AGBL5: variants seen among roughly 807,000 people sequenced by gnomAD.
The protein encoded by AGBL5 is AGBL carboxypeptidase 5, also known as cytosolic carboxypeptidase-like protein 5.
A neutral mutation model predicts 88.0 loss-of-function variants in AGBL5; 51 were observed. The observed-to-expected ratio is 0.58, with a 90% CI of 0.46 to 0.73. The LOEUF (loss-of-function observed/expected upper bound fraction) is 0.73. Ranked by LOEUF, AGBL5 falls within the 30% of genes least tolerant of loss-of-function variation. The probability of loss-of-function intolerance (pLI) is 0.00; values close to 1 mark genes in which losing one functional copy is unlikely to be tolerated. For missense variants in AGBL5, 1,031 were observed against 1,162.2 expected, an observed-to-expected ratio of 0.89 and a Z score of 1.64; for synonymous variants, 446 against 438.8, an observed-to-expected ratio of 1.02 and a Z score of -0.21.
At position 27,067,418 on chromosome 2, in the gene AGBL5, C is replaced by G. The variant is rs948013749; in HGVS notation, c.2090-76C>G. The G allele has an allele frequency of 1.8e-5, 26 of 1,475,068 alleles. No homozygotes were observed. In the African/African-American group the frequency reaches 3.1e-4, roughly 17 times the overall value. The allele number at this position is 1,475,068 out of a possible 1,614,324, so 91.4% of individuals were successfully genotyped here. A position where few individuals can be genotyped will look rare whatever the true frequency, so the allele number is the denominator to read the frequency against. ...AACTGGCATCTTTTGACCACGGAAG[C>G]CAGCAGGTCAGTGAAGGCTGCCTCA... On this transcript the variant is annotated intron_variant, in intron 11 of 14. Transcript: ENST00000360131.
In AGBL5 at chr2:27,053,036, A is replaced by C. The variant is rs140434382; in HGVS notation, c.78A>C (p.Glu26Asp). Residue 26 changes from glutamate (E) to aspartate (D), a missense_variant, in exon 2 of 15, where the codon GAA becomes GAC. Glu to Asp is a conservative substitution (Grantham distance 45). Around this residue, in one of 2 missense-constraint regions of AGBL5, gnomAD observed 540 missense variants for 678.2 expected, o/e 0.80. Transcript: ENST00000360131. This position sits in a 1 kb window ranked among gnomAD's most constrained non-coding sequence, Gnocchi z 4.9. ...SGNLAHVEKV[E>D]SLSSDGEGVG... ...ATCTAGCCCACGTGGAGAAGGTGGA[A>C]TCTTTGTCCAGTGATGGGGAAGGGG... The C allele has an allele frequency of 5.9e-4, 948 of 1,613,652 alleles. No individual in the cohort carries two copies. The highest frequency in any genetic ancestry group is 7.7e-4 in the Non-Finnish European group (914 of 1,179,864).
At chr2:27,069,875 A>G in intron 14 of AGBL5, 169 bp downstream of exon 14, 1 of 985,406 alleles carries the variant, frequency 1.0e-6, no homozygotes, top group Non-Finnish European at 1.2e-6. Flanking sequence ...ACCATGGCCA[A>G]GTCTTCAATC....
At position 27,053,783 on chromosome 2, in the gene AGBL5, G is replaced by T; in HGVS notation, c.388-113G>T. ...CTTTTCATATAGAAAGTGTCACAGG[G>T]AGGGAAGTTGGTAAAGGTGATAAGG... On this transcript the variant is annotated intron_variant, in intron 3 of 14. Coordinates refer to ENST00000360131, the MANE Select transcript of AGBL5 (RefSeq NM_021831.6). The surrounding 1 kb of genome is among the most constrained non-coding windows in gnomAD (Gnocchi z 4.9). 6.9e-7 allele frequency: 1 copy of T among 1,452,840 alleles called. No homozygotes were observed. The highest frequency in any genetic ancestry group is 9.3e-7 in the Non-Finnish European group (1 of 1,078,744). The allele number at this position is 1,452,840 out of a possible 1,614,324, so 90.0% of individuals were successfully genotyped here.
intron 11 of AGBL5, among the ~76,000 whole-genome samples, chr2:27,063,537 G>A (rs1003442156): frequency 2.6e-5 from 4 of 151,118 alleles, no homozygotes; most frequent in African/African-American, 9.7e-5. Flanking sequence ...GGAGCTGGCA[G>A]TGAGCCCAGA....
intron 11 of AGBL5, among the ~76,000 whole-genome samples, chr2:27,062,065 T>C (rs1050941758): frequency 1.3e-5 from 2 of 150,646 alleles, no homozygotes; most frequent in African/African-American, 4.9e-5. Context: ...TTCACCCGCC[T>C]CAGCTTCCCA....
upstream of AGBL5, among the ~76,000 whole-genome samples, chr2:27,051,205 G>T (rs72808941): frequency 3.7e-4 from 56 of 152,282 alleles, no homozygotes; most frequent in African/African-American, 1.2e-3. Flanking sequence ...AAAGAACTAA[G>T]CAGCAGGCGG....
At chr2:27,059,497 G>T in intron 11 of AGBL5, 93 bp downstream of exon 11, 1 of 1,572,300 alleles carries the variant, frequency 6.4e-7, no homozygotes, top group Non-Finnish European at 8.6e-7. Context: ...GTTGGCCCAG[G>T]ACCAAGGGGT....
intron 6 of AGBL5, 137 bp from the exon 7 acceptor site, chr2:27,055,545 C>A: frequency 1.1e-6 from 1 of 905,674 alleles, no homozygotes; most frequent in Admixed American, 2.9e-5. Flanking sequence ...GCCCTGTCTT[C>A]AATTCTTTCT....
At position 27,056,752 on chromosome 2, in the gene AGBL5, G is replaced by A. The variant is rs776863717; in HGVS notation, c.1495G>A (p.Gly499Ser). The A allele has an allele frequency of 4.3e-6, 7 of 1,612,962 alleles. No individual in the cohort carries two copies. Among genetic ancestry groups the A allele is most frequent in the Non-Finnish European group, 5.1e-6 (6 of 1,179,336 alleles). Residue 499 changes from glycine to serine, a missense_variant, in exon 8 of 15, where the codon GGC (glycine) becomes AGC (serine). Transcript: ENST00000360131. The part of the protein sequence containing the change: ...RRDGQSKEGS[G>S]RVAIYKASGI... ...AGATGGCCAGTCTAAAGAGGGAAGC[G>A]GCCGTGTTGCAATCTACAAAGCCTC...
In AGBL5 at chr2:27,054,632, C is replaced by T; in HGVS notation, c.554C>T (p.Pro185Leu). The change falls in exon 5 of 15, where the codon CCC becomes CTC. Residue 185 changes from proline to leucine, a missense_variant and splice_region_variant. By Grantham distance (98) the Pro-to-Leu change is moderately conservative. Transcript: ENST00000360131. The part of the protein sequence containing the change: ...FPENHPTHSS[P>L]LDTIYYHREL... ...GCTTAATTTTTTTTTCCCTGTAGCCCCCTGGATACCATCTATTACCATCGG... is the reference window on the plus strand; with the variant it reads ...GCTTAATTTTTTTTTCCCTGTAGCCTCCTGGATACCATCTATTACCATCGG... The T allele has an allele frequency of 1.9e-6, 3 of 1,612,824 alleles. No individual in the cohort carries two copies. Among genetic ancestry groups the T allele is most frequent in the Non-Finnish European group, 1.7e-6 (2 of 1,179,430 alleles).
chr2:27,063,608 AAG>A (rs1668828512), intron 11 of AGBL5, among the ~76,000 whole-genome samples: 1 of 151,598 alleles, frequency 6.6e-6, no homozygotes, highest in African/African-American at 2.4e-5. Context: ...AAAAAAAAAA[AAG>A]AATGCTTGTC....
chr2:27,065,355 G>A (rs1668933606), intron 11 of AGBL5, among the ~76,000 whole-genome samples: 1 of 152,136 alleles, frequency 6.6e-6, no homozygotes, highest in Admixed American at 6.5e-5. Context: ...TTCAGAACTT[G>A]TAGTAATAAG....
upstream of AGBL5, among the ~76,000 whole-genome samples, chr2:27,050,839 T>C (rs962904352): frequency 1.3e-5 from 2 of 152,224 alleles, no homozygotes; most frequent in African/African-American, 4.8e-5. Flanking sequence ...GTGGCAATCC[T>C]TAGGTCGCTG....
chr2:27,054,523 A>G, intron 4 of AGBL5, 107 bp from the exon 5 acceptor site: 1 of 1,085,910 alleles, frequency 9.2e-7, no homozygotes, highest in Non-Finnish European at 1.3e-6. Context: ...AAGGCCCCAA[A>G]GGTTAGGGTG....
Position 27,053,579 on chromosome 2 carries a change from T to A in AGBL5, c.387+6T>A, listed in dbSNP as rs1243533638. ...GAGACCGGCCCACCTTTGAGGTAAGTTCTCCATGAGGAGGAAAGAAAGACT... is the reference window on the plus strand; with the variant it reads ...GAGACCGGCCCACCTTTGAGGTAAGATCTCCATGAGGAGGAAAGAAAGACT... On this transcript the variant is annotated splice_donor_region_variant and intron_variant, in intron 3 of 14. Coordinates refer to ENST00000360131, the MANE Select transcript of AGBL5 (RefSeq NM_021831.6). The surrounding 1 kb of genome is among the most constrained non-coding windows in gnomAD (Gnocchi z 4.9). The A allele has an allele frequency of 1.9e-6, 3 of 1,607,078 alleles. No homozygotes were observed. Among genetic ancestry groups the A allele is most frequent in the African/African-American group, 2.7e-5 (2 of 74,586 alleles).
intron 12 of AGBL5, among the ~76,000 whole-genome samples, chr2:27,068,334 C>G (rs1669098656): frequency 6.6e-6 from 1 of 152,178 alleles, no homozygotes; most frequent in Non-Finnish European, 1.5e-5. Flanking sequence ...TGCTCCACCC[C>G]TTGGACCACC....
At chr2:27,056,284 C>A in intron 7 of AGBL5, 146 bp downstream of exon 7, 3 of 803,886 alleles carry the variant, frequency 3.7e-6, no homozygotes, top group Non-Finnish European at 5.8e-6. Context: ...CTTTGAAGGG[C>A]CAAGAAGAGA....
chr2:27,055,482 C>T, intron 6 of AGBL5, 200 bp from the exon 7 acceptor site: 1 of 805,820 alleles, frequency 1.2e-6, no homozygotes, highest in East Asian at 2.7e-5. Flanking sequence ...GGCAGCTACC[C>T]TGAGGAAGCT....
intron 9 of AGBL5, 117 bp downstream of exon 9, chr2:27,057,555 C>T (rs1668500252): frequency 8.3e-7 from 1 of 1,211,492 alleles, no homozygotes; most frequent in South Asian, 1.6e-5. Context: ...ATGGCCGTCT[C>T]ACCACTATGA....
Sources: gnomAD v4.1 joint callset for allele counts (sites outside exome capture counted in the v4.1 genomes callset) on GRCh38, gnomAD v4.1.1 for gene constraint, gnomAD v4.1.1 regional missense constraint, Gnocchi (gnomAD v3.1) non-coding constraint, MANE v1.5 for transcripts, NCBI Gene and HGNC (gene_info 2026-07-23, HGNC 2026-07-21) for gene names.